The following NBAS variants were observed in gnomAD, a reference collection of about 807,000 sequenced individuals.
The protein encoded by NBAS is NAG/BC035112 fusion.
Under a neutral mutation model 302.5 loss-of-function variants are expected in NBAS, and 219 were observed. That is an observed-to-expected ratio of 0.72 (90% CI 0.65 to 0.81). The LOEUF is 0.81. Ranked by LOEUF, NBAS falls within the 30% of genes least tolerant of loss-of-function variation. The pLI is 0.00. For missense variants in NBAS, 2,932 were observed against 2,841.6 expected, an observed-to-expected ratio of 1.03 and a Z score of -0.72; for synonymous variants, 1,118 against 1,021.6, an observed-to-expected ratio of 1.09 and a Z score of -1.80.
intron 36 of NBAS, among the ~76,000 whole-genome samples, chr2:15,330,222 G>A (rs1000482037): frequency 6.6e-6 from 1 of 152,226 alleles, no homozygotes; most frequent in Non-Finnish European, 1.5e-5. Context: ...ATGGAAGCAA[G>A]AATCTGTTCA....
At chr2:15,064,355 A>G in the NBAS span, among the ~76,000 whole-genome samples, 7 of 151,980 alleles carry the variant, frequency 4.6e-5, no homozygotes, top group Admixed American at 1.3e-4. Context: ...TAATACAACT[A>G]AAATAAAGAG....
intron 26 of NBAS, chr2:15,397,429 A>G: frequency 9.5e-6 from 4 of 419,594 alleles, no homozygotes; most frequent in South Asian, 8.3e-5. Context: ...TTAAGGACTT[A>G]GCTCCTTACA....
chr2:15,001,571 C>A, the NBAS span, among the ~76,000 whole-genome samples: 2 of 152,088 alleles, frequency 1.3e-5, 1 homozygote, highest in African/African-American at 4.8e-5. Flanking sequence ...TAGTAAATGT[C>A]AAATCAAATT....
intron 28 of NBAS, among the ~76,000 whole-genome samples, chr2:15,390,565 G>A (rs1675542246): frequency 6.6e-6 from 1 of 151,774 alleles, no homozygotes; most frequent in African/African-American, 2.4e-5. Context: ...TCCTGTATAT[G>A]GGATCACGCT....
At chr2:14,894,067 C>G in the NBAS span, among the ~76,000 whole-genome samples, 1 of 152,130 alleles carries the variant, frequency 6.6e-6, no homozygotes, top group African/African-American at 2.4e-5. Flanking sequence ...TCAAGTCTTA[C>G]TTAGGAGTAT....
intron 21 of NBAS, among the ~76,000 whole-genome samples, chr2:15,457,294 T>C (rs1679291075): frequency 6.6e-6 from 1 of 152,208 alleles, no homozygotes; most frequent in Non-Finnish European, 1.5e-5. Flanking sequence ...AAGTCATTAT[T>C]ACTTGCAAAA....
At chr2:14,985,896 G>T in the NBAS span, among the ~76,000 whole-genome samples, 1 of 152,090 alleles carries the variant, frequency 6.6e-6, no homozygotes, top group Non-Finnish European at 1.5e-5. Context: ...CATATAGTGG[G>T]TGCACTTAGG....
the NBAS span, among the ~76,000 whole-genome samples, chr2:14,959,689 C>T: frequency 1.1e-4 from 16 of 152,118 alleles, no homozygotes; most frequent in Non-Finnish European, 2.4e-4. Flanking sequence ...TCCATGATTC[C>T]AGGACTTTGT....
At chr2:15,290,088 G>A (rs990078271) in intron 41 of NBAS, among the ~76,000 whole-genome samples, 1 of 149,448 alleles carries the variant, frequency 6.7e-6, no homozygotes, top group Admixed American at 6.7e-5. Context: ...AGAGAGTAGA[G>A]GGGAGAGGGG....
chr2:15,367,628 A>C (rs1199130029), intron 31 of NBAS, among the ~76,000 whole-genome samples: 1 of 152,220 alleles, frequency 6.6e-6, no homozygotes, highest in African/African-American at 2.4e-5. Context: ...CCAGCTCGCT[A>C]AATGTTTTCA....
intron 1 of NBAS, among the ~76,000 whole-genome samples, chr2:15,560,778 T>A (rs1317483624): frequency 6.6e-6 from 1 of 152,064 alleles, no homozygotes; most frequent in Non-Finnish European, 1.5e-5. Flanking sequence ...AGACTAGCCC[T>A]AGCCAGACCG....
intron 35 of NBAS, among the ~76,000 whole-genome samples, chr2:15,348,590 T>C (rs919255500): frequency 3.3e-5 from 5 of 152,014 alleles, no homozygotes; most frequent in South Asian, 2.1e-4. Flanking sequence ...AGCAAACACA[T>C]TGCAATTCCA....
At chr2:14,799,032 T>C in the NBAS span, among the ~76,000 whole-genome samples, 1 of 152,026 alleles carries the variant, frequency 6.6e-6, no homozygotes, top group Non-Finnish European at 1.5e-5. Flanking sequence ...CTTATTTTTC[T>C]CTCATATTTG....
intron 12 of NBAS, chr2:15,483,432 G>A: frequency 2.9e-6 from 1 of 346,966 alleles, no homozygotes; most frequent in South Asian, 2.4e-5. Context: ...CCATTTCTAG[G>A]CCTGAAGAAG....
chr2:15,559,201 A>T (rs1664794317), intron 1 of NBAS, among the ~76,000 whole-genome samples: 1 of 152,140 alleles, frequency 6.6e-6, no homozygotes. Context: ...ACTGTTTCCA[A>T]ATCAAAAACC....
chr2:14,996,486 C>T, the NBAS span, among the ~76,000 whole-genome samples: 176 of 152,312 alleles, frequency 1.2e-3, 1 homozygote, highest in Admixed American at 2.0e-3. Context: ...GTCAAATCCC[C>T]ATTCCAAATC....
chr2:15,504,307 C>G, intron 10 of NBAS, 94 bp from the exon 11 acceptor site: 1 of 1,018,812 alleles, frequency 9.8e-7, no homozygotes, highest in Non-Finnish European at 1.5e-6. Flanking sequence ...TATAGCAAAT[C>G]TAGTATTTTT....
the NBAS span, among the ~76,000 whole-genome samples, chr2:14,835,536 C>T: frequency 6.6e-6 from 1 of 151,844 alleles, no homozygotes; most frequent in Non-Finnish European, 1.5e-5. Context: ...TATTTTACCA[C>T]CTAATGATAC....
chr2:15,252,110 T>C (rs561569368), intron 44 of NBAS, among the ~76,000 whole-genome samples: 3 of 152,228 alleles, frequency 2.0e-5, no homozygotes, highest in Admixed American at 6.5e-5. Flanking sequence ...AGGTTTTAGC[T>C]AATGGCTTGA....
Sources: allele counts gnomAD v4.1 joint callset (sites outside exome capture counted in the v4.1 genomes callset), GRCh38; gene constraint gnomAD v4.1.1; transcripts MANE v1.5; gene names NCBI Gene and HGNC (gene_info 2026-07-23, HGNC 2026-07-21).